The following GTF2E1 variants were observed in gnomAD, a reference collection of about 807,000 sequenced individuals.
The protein encoded by GTF2E1 is general transcription factor IIE subunit 1, also known as TFIIE alpha subunit.
A neutral mutation model predicts 34.9 loss-of-function variants in GTF2E1; 14 were observed. The observed-to-expected ratio is 0.40, with a 90% CI of 0.27 to 0.63. The LOEUF (loss-of-function observed/expected upper bound fraction) is 0.63. Ranked by LOEUF, GTF2E1 falls within the 20% of genes least tolerant of loss-of-function variation. The probability of loss-of-function intolerance (pLI) is 0.39; values close to 1 mark genes in which losing one functional copy is unlikely to be tolerated. For missense variants in GTF2E1, 469 were observed against 557.7 expected, an observed-to-expected ratio of 0.84 and a Z score of 1.60; for synonymous variants, 188 against 192.9, an observed-to-expected ratio of 0.97 and a Z score of 0.21.
intron 1 of GTF2E1, among the ~76,000 whole-genome samples, chr3:120,744,068 T>C (rs35341491): frequency 6.6e-6 from 1 of 152,212 alleles, no homozygotes; most frequent in East Asian, 1.9e-4. Flanking sequence ...TAACGCCAGC[T>C]GCTATTCGGC....
chr3:120,749,623 A>G (rs1709144903), intron 1 of GTF2E1: 1 of 152,200 alleles, frequency 6.6e-6, no homozygotes. Context: ...CATGGTGGAT[A>G]ATAAGCTTTT....
intron 3 of GTF2E1, among the ~76,000 whole-genome samples, chr3:120,774,633 CAA>C (rs5852253): frequency 0.26 from 36,438 of 139,660 alleles, 4,453 homozygotes; most frequent in Non-Finnish European, 0.29. Context: ...CAGAATATAG[CAA>C]AAAAAAAAAA....
In GTF2E1 at chr3:120,749,339, A is replaced by C. The variant is rs533259007; in HGVS notation, c.-30-1184A>C. ...GCATCCCTGTCTTGTGCCAGTTTTC[A>C]AAGGGAATGCTTCCAGGTTTTGCCC... is the stretch of plus-strand genomic sequence containing the variant. On this transcript the variant is annotated intron_variant, in intron 1 of 4. Coordinates refer to ENST00000283875, the MANE Select transcript of GTF2E1 (RefSeq NM_005513.3). 7.4e-3 allele frequency among the ~76,000 whole-genome samples: 1,129 copies of C among 152,304 alleles called. 14 individuals are homozygous for C. The highest frequency in any genetic ancestry group is 0.026 in the African/African-American group (1,072 of 41,548).
At chr3:120,751,766 TTTGTC>T (rs1366013823) in intron 2 of GTF2E1, among the ~76,000 whole-genome samples, 1 of 152,148 alleles carries the variant, frequency 6.6e-6, no homozygotes, top group African/African-American at 2.4e-5. Flanking sequence ...CTCGATCAAT[TTTGTC>T]TTATTTTCTA....
intron 2 of GTF2E1, among the ~76,000 whole-genome samples, chr3:120,764,853 G>A (rs1709293756): frequency 6.6e-6 from 1 of 152,028 alleles, no homozygotes; most frequent in South Asian, 2.1e-4. Flanking sequence ...ATTACAGTGA[G>A]TAACATGTTT....
chr3:120,775,275 T>C (rs544442320), intron 3 of GTF2E1, among the ~76,000 whole-genome samples: 1 of 152,116 alleles, frequency 6.6e-6, no homozygotes, highest in East Asian at 1.9e-4. Flanking sequence ...ACACAGGAGA[T>C]AATTCAGGAT....
chr3:120,776,600 G>C lies in GTF2E1; in HGVS notation c.828G>C (p.Glu276Asp), dbSNP rs745328936. 2 of 1,613,744 alleles carry C rather than the reference G, an allele frequency of 1.2e-6. No homozygotes were observed. The highest frequency in any genetic ancestry group is 2.2e-5 in the South Asian group (2 of 91,076). The change falls in exon 4 of 5, where the codon GAG (glutamate) becomes GAC (aspartate). Residue 276 changes from glutamate to aspartate, a missense_variant. Transcript: ENST00000283875. ...RASLEGKSAKERPIWLRESTV... is the reference protein window; with the variant it reads ...RASLEGKSAKDRPIWLRESTV... The stretch of plus-strand genomic sequence containing the variant: ...CACTGGAAGGGAAATCTGCCAAAGA[G>C]AGGCCTATTTGGTTGAGAGAAAGCA...
In GTF2E1 at chr3:120,750,983, T is replaced by G; in HGVS notation, c.431T>G (p.Leu144Arg). The part of the protein sequence containing the change: ...STFTDLEANQ[L>R]FDPMTGTFRC... Reference sequence around the variant, plus strand: ...TTCACAGACTTAGAAGCTAATCAGCTCTTTGATCCTATGACAGGTGAGGTT... The same window carrying G: ...TTCACAGACTTAGAAGCTAATCAGCGCTTTGATCCTATGACAGGTGAGGTT... Residue 144 changes from leucine to arginine, a missense_variant, in exon 2 of 5, where the codon CTC becomes CGC. Leu to Arg is a moderately radical substitution (Grantham distance 102). Coordinates refer to ENST00000283875, the MANE Select transcript of GTF2E1 (RefSeq NM_005513.3). The G allele has an allele frequency of 6.2e-7, 1 of 1,610,814 alleles. No individual in the cohort carries two copies. Among genetic ancestry groups the G allele is most frequent in the Non-Finnish European group, 8.5e-7 (1 of 1,177,338 alleles).
chr3:120,755,840 C>T (rs548179951), intron 2 of GTF2E1, among the ~76,000 whole-genome samples: 1 of 152,202 alleles, frequency 6.6e-6, no homozygotes, highest in East Asian at 1.9e-4. Flanking sequence ...GTTTTAGATC[C>T]CACAGATTAG....
At chr3:120,780,680 ATTATC>A (rs1709439037) in intron 4 of GTF2E1, among the ~76,000 whole-genome samples, 1 of 152,208 alleles carries the variant, frequency 6.6e-6, no homozygotes, top group African/African-American at 2.4e-5. Flanking sequence ...CTTCATAGAC[ATTATC>A]TTATATGTTT....
At chr3:120,781,007 T>A (rs1709441667) in intron 4 of GTF2E1, 36 bp from the exon 5 acceptor site, 3 of 1,401,596 alleles carry the variant, frequency 2.1e-6, no homozygotes. Flanking sequence ...GCCATTTATA[T>A]TTAAGGATAT....
In GTF2E1 at chr3:120,781,776, C is replaced by T. The variant is rs1452204892; in HGVS notation, c.*306C>T. 5 of 208,442 alleles carry T rather than the reference C, an allele frequency of 2.4e-5. No individual in the cohort carries two copies. The highest frequency in any genetic ancestry group is 7.4e-5 in the African/African-American group (3 of 40,714). The allele number at this position is 208,442 out of a possible 1,614,324, so 12.9% of individuals were successfully genotyped here. A position where few individuals can be genotyped will look rare whatever the true frequency, so the allele number is the denominator to read the frequency against. On this transcript the variant is annotated 3_prime_UTR_variant, in exon 5 of 5. Transcript: ENST00000283875. Reference sequence around the variant, plus strand: ...TGTACCCCAGGCTGGAGTGCAATGGCGTGATCTCGGCTCACTGCAACCTCT... The same window carrying T: ...TGTACCCCAGGCTGGAGTGCAATGGTGTGATCTCGGCTCACTGCAACCTCT...
chr3:120,743,970 T>C (rs765627720), intron 1 of GTF2E1, among the ~76,000 whole-genome samples: 9 of 152,102 alleles, frequency 5.9e-5, no homozygotes, highest in Non-Finnish European at 1.2e-4. Context: ...ATCTGACTCA[T>C]GGACTATGGA....
chr3:120,765,834 C>T (rs1176528901), intron 2 of GTF2E1, among the ~76,000 whole-genome samples: 4 of 152,084 alleles, frequency 2.6e-5, no homozygotes, highest in Admixed American at 2.6e-4. Context: ...TTCCTCCTAA[C>T]CCCATCATTT....
chr3:120,779,103 C>A (rs775506374), intron 4 of GTF2E1, among the ~76,000 whole-genome samples: 19 of 152,170 alleles, frequency 1.2e-4, no homozygotes, highest in Non-Finnish European at 2.6e-4. Context: ...GAAATTTGCT[C>A]ATTTATCCTT....
intron 2 of GTF2E1, among the ~76,000 whole-genome samples, chr3:120,754,309 GA>G (rs1161839662): frequency 6.6e-6 from 1 of 151,998 alleles, no homozygotes; most frequent in Non-Finnish European, 1.5e-5. Context: ...AATTTGAAGA[GA>G]AAAAAATCAC....
intron 2 of GTF2E1, among the ~76,000 whole-genome samples, chr3:120,760,843 A>T (rs950729046): frequency 2.0e-5 from 3 of 151,346 alleles, no homozygotes; most frequent in African/African-American, 7.3e-5. Context: ...TGTAGTGAGG[A>T]TTTTCACGTC....
chr3:120,766,298 C>G (rs1211466250), intron 2 of GTF2E1, among the ~76,000 whole-genome samples: 1 of 152,126 alleles, frequency 6.6e-6, no homozygotes, highest in African/African-American at 2.4e-5. Context: ...GAGAGGCCAT[C>G]TCAAGCCACT....
intron 4 of GTF2E1, 95 bp from the exon 5 acceptor site, chr3:120,780,948 G>GT (rs1709441274): frequency 2.6e-6 from 2 of 781,138 alleles, no homozygotes; most frequent in South Asian, 4.3e-5. Context: ...TTATTTTATC[G>GT]TATTATTTAA....
Sources: allele counts gnomAD v4.1 joint callset (sites outside exome capture counted in the v4.1 genomes callset), GRCh38; gene constraint gnomAD v4.1.1; transcripts MANE v1.5; gene names NCBI Gene and HGNC (gene_info 2026-07-23, HGNC 2026-07-21).